BAZ2B: variants seen among roughly 807,000 people sequenced by gnomAD.
The protein encoded by BAZ2B is bromodomain adjacent to zinc finger domain 2B, also known as bromodomain adjacent to zinc finger domain protein 2B.
Under a neutral mutation model 246.0 loss-of-function variants are expected in BAZ2B, and 91 were observed. That is an observed-to-expected ratio of 0.37 (90% confidence interval 0.31 to 0.44). The LOEUF (loss-of-function observed/expected upper bound fraction) is 0.44, where lower values mean the gene tolerates loss of function less well. BAZ2B is among the 20% of genes least tolerant of loss of function. BAZ2B has a pLI of 1.00. For synonymous variants in BAZ2B, 855 were observed against 860.0 expected, an observed-to-expected ratio of 0.99 and a Z score of 0.10; for missense variants, 2,332 against 2,533.7, an observed-to-expected ratio of 0.92 and a Z score of 1.71.
chr2:159,538,542 T>A (rs2086283935), intron 2 of BAZ2B, among the ~76,000 whole-genome samples: 1 of 152,218 alleles, frequency 6.6e-6, no homozygotes. Context: ...ACAGGCATTC[T>A]CATGTACCAC....
the BAZ2B span, among the ~76,000 whole-genome samples, chr2:159,642,677 T>C: frequency 0.063 from 9,596 of 152,344 alleles, 397 homozygotes; most frequent in Middle Eastern, 0.14. Flanking sequence ...ATATTTATTT[T>C]GTATGAAATA....
At chr2:159,642,309 C>T in the BAZ2B span, among the ~76,000 whole-genome samples, 114 of 147,848 alleles carry the variant, frequency 7.7e-4, 2 homozygotes, top group African/African-American at 2.7e-3. Context: ...ACCATCTTGG[C>T]TCACTGCAAC....
At chr2:159,660,124 C>T in the BAZ2B span, among the ~76,000 whole-genome samples, 1 of 152,120 alleles carries the variant, frequency 6.6e-6, no homozygotes, top group Non-Finnish European at 1.5e-5. Context: ...TTCATTTCTC[C>T]CCATAGTATT....
intron 14 of BAZ2B, among the ~76,000 whole-genome samples, chr2:159,407,396 C>T (rs1226822140): frequency 1.3e-5 from 2 of 151,976 alleles, no homozygotes; most frequent in East Asian, 1.9e-4. Flanking sequence ...TGCTTGATCC[C>T]GGGAGGAAGA....
the BAZ2B span, among the ~76,000 whole-genome samples, chr2:159,704,539 A>G: frequency 2.8e-5 from 4 of 143,454 alleles, no homozygotes; most frequent in Non-Finnish European, 6.0e-5. Flanking sequence ...CTGGAGTGCA[A>G]TGGTGCAATC....
At chr2:159,547,601 G>A (rs1377607418) in intron 2 of BAZ2B, among the ~76,000 whole-genome samples, 1 of 152,082 alleles carries the variant, frequency 6.6e-6, no homozygotes, top group Non-Finnish European at 1.5e-5. Flanking sequence ...AGTGTGAGTG[G>A]AAGAAAACAA....
chr2:159,646,283 G>A, the BAZ2B span, among the ~76,000 whole-genome samples: 6 of 152,230 alleles, frequency 3.9e-5, no homozygotes, highest in South Asian at 4.1e-4. Context: ...GCTCTGTTCC[G>A]CCTGGCTCAC....
In BAZ2B at chr2:159,347,560, C is replaced by T; in HGVS notation, c.5380G>A (p.Glu1794Lys). The T allele has an allele frequency of 1.2e-6, 2 of 1,613,768 alleles. No individual in the cohort carries two copies. Among genetic ancestry groups the T allele is most frequent in the Non-Finnish European group, 8.5e-7 (1 of 1,179,778 alleles). ...ENWSVEEQAM[E>K]MDLSVLQQVE... is the part of the protein sequence containing the mutation. ...TGTTGAAGGACACTCAAATCCATTT[C>T]CATTGCTTGTTCTTCTACTGACCAG... Residue 1794 changes from glutamate (E) to lysine (K), a missense_variant, in exon 31 of 37, where the codon GAA (glutamate) becomes AAA (lysine). Glu to Lys is a moderately conservative substitution (Grantham distance 56). Coordinates refer to ENST00000392783, the MANE Select transcript of BAZ2B (RefSeq NM_013450.4).
chr2:159,640,251 T>C, the BAZ2B span, among the ~76,000 whole-genome samples: 1 of 152,068 alleles, frequency 6.6e-6, no homozygotes, highest in African/African-American at 2.4e-5. Flanking sequence ...AATACGATAA[T>C]AGTGAATTCA....
intron 1 of BAZ2B, among the ~76,000 whole-genome samples, chr2:159,556,563 C>T (rs890435234): frequency 2.0e-5 from 3 of 152,012 alleles, no homozygotes; most frequent in African/African-American, 7.3e-5. Flanking sequence ...TGGGTTCAAG[C>T]GATTTTTGTG....
At chr2:159,589,611 C>G (rs1423899433) in intron 1 of BAZ2B, among the ~76,000 whole-genome samples, 1 of 152,162 alleles carries the variant, frequency 6.6e-6, no homozygotes, top group African/African-American at 2.4e-5. Context: ...GAATATAAAG[C>G]ATTCACAATT....
the BAZ2B span, among the ~76,000 whole-genome samples, chr2:159,651,919 A>G: frequency 6.6e-6 from 1 of 152,208 alleles, no homozygotes; most frequent in Non-Finnish European, 1.5e-5. Flanking sequence ...TTATATGAAT[A>G]GATCACATTT....
intron 1 of BAZ2B, among the ~76,000 whole-genome samples, chr2:159,603,054 T>A (rs1049735976): frequency 6.6e-6 from 1 of 152,088 alleles, no homozygotes; most frequent in African/African-American, 2.4e-5. Context: ...GGGGAATTGC[T>A]CGAAACCAGC....
intron 27 of BAZ2B, among the ~76,000 whole-genome samples, chr2:159,362,269 C>T (rs779120540): frequency 6.6e-6 from 1 of 152,176 alleles, no homozygotes; most frequent in Non-Finnish European, 1.5e-5. Context: ...CTGAGGTCAA[C>T]ACTGTTCTCA....
chr2:159,333,472 G>C (rs1043546783), intron 33 of BAZ2B, among the ~76,000 whole-genome samples: 1 of 151,726 alleles, frequency 6.6e-6, no homozygotes, highest in Non-Finnish European at 1.5e-5. Flanking sequence ...TATTCTGTAC[G>C]GTAAGTTTTA....
intron 2 of BAZ2B, among the ~76,000 whole-genome samples, chr2:159,482,315 A>C (rs1303923253): frequency 6.6e-6 from 1 of 152,140 alleles, no homozygotes; most frequent in Non-Finnish European, 1.5e-5. Context: ...GAAGTTTATT[A>C]GTTGTGATTT....
chr2:159,641,010 CAAA>C, the BAZ2B span, among the ~76,000 whole-genome samples: 1 of 149,652 alleles, frequency 6.7e-6, no homozygotes, highest in Middle Eastern at 3.2e-3. Context: ...AGAAAAAAAC[CAAA>C]TAAATAAAAT....
chr2:159,603,328 A>T (rs1480731068), intron 1 of BAZ2B, among the ~76,000 whole-genome samples: 1 of 152,214 alleles, frequency 6.6e-6, no homozygotes, highest in Non-Finnish European at 1.5e-5. Context: ...TAAAAATGGA[A>T]ATTAAAACTT....
intron 26 of BAZ2B, 40 bp downstream of exon 26, chr2:159,374,651 C>A (rs1219272195): frequency 1.3e-6 from 2 of 1,548,010 alleles, no homozygotes; most frequent in East Asian, 4.5e-5. Context: ...ATTTCTAAAA[C>A]ACTGTGAAGA....
Sources: gnomAD v4.1 joint callset for allele counts (sites outside exome capture counted in the v4.1 genomes callset) on GRCh38, gnomAD v4.1.1 for gene constraint, MANE v1.5 for transcripts, NCBI Gene and HGNC (gene_info 2026-07-23, HGNC 2026-07-21) for gene names.